The following PPP5C variants were observed in gnomAD, a reference collection of about 807,000 sequenced individuals.
PPP5C encodes the protein protein phosphatase 5 catalytic subunit, also known as serine/threonine-protein phosphatase 5.
In PPP5C, 21 loss-of-function variants were observed where a neutral mutation model predicts 66.7. That is an observed-to-expected ratio of 0.31 (90% CI 0.22 to 0.45). The LOEUF is 0.45. PPP5C is among the 20% of genes least tolerant of loss of function. PPP5C has a pLI of 1.00. For synonymous variants in PPP5C, 246 were observed against 257.4 expected, an observed-to-expected ratio of 0.96 and a Z score of 0.43; for missense variants, 464 against 675.9, an observed-to-expected ratio of 0.69 and a Z score of 3.48.
intron 4 of PPP5C, among the ~76,000 whole-genome samples, chr19:46,378,736 TA>T (rs567657300): frequency 3.9e-5 from 6 of 152,262 alleles, no homozygotes; most frequent in Non-Finnish European, 8.8e-5. Context: ...TCTATTAAAA[TA>T]GTTAAACCAG....
chr19:46,350,815 G>A (rs1433674591), intron 1 of PPP5C, among the ~76,000 whole-genome samples: 3 of 152,038 alleles, frequency 2.0e-5, no homozygotes, highest in Non-Finnish European at 2.9e-5. Context: ...CCCCTTCCTC[G>A]CCACGTGCTT....
chr19:46,386,997 G>C, intron 7 of PPP5C, 96 bp from the exon 8 acceptor site: 2 of 1,558,278 alleles, frequency 1.3e-6, no homozygotes, highest in Non-Finnish European at 1.8e-6. Flanking sequence ...TGGGGGCAAG[G>C]GACGCATGCA....
Position 46,388,641 on chromosome 19 carries a change from A to G in PPP5C, c.1265A>G (p.Tyr422Cys), listed in dbSNP as rs1972934608. The G allele has an allele frequency of 3.7e-6, 6 of 1,614,112 alleles. No homozygotes were observed. Among genetic ancestry groups the G allele is most frequent in the Non-Finnish European group, 5.1e-6 (6 of 1,180,002 alleles). ...KAFLEENNLDYIIRSHEVKAE... is the reference protein window; with the variant it reads ...KAFLEENNLDCIIRSHEVKAE... ...TTCTTGGAAGAGAACAACCTGGACT[A>G]TATCATCCGCAGCCACGAAGTCAAG... Residue 422 changes from tyrosine to cysteine, a missense_variant, in exon 11 of 13, where the codon TAT (tyrosine) becomes TGT (cysteine). By Grantham distance (194) the Tyr-to-Cys change is radical. Around this residue, in one of 2 missense-constraint regions of PPP5C, gnomAD observed 387 missense variants for 626.0 expected, o/e 0.62. Transcript: ENST00000012443. This position sits in a 1 kb window ranked among gnomAD's most constrained non-coding sequence, Gnocchi z 4.9.
chr19:46,383,411 A>C lies in PPP5C; in HGVS notation c.634A>C (p.Ile212Leu), dbSNP rs1463860862. The change falls in exon 5 of 13, where the codon ATT becomes CTT. Residue 212 changes from isoleucine (I) to leucine (L), a missense_variant and splice_region_variant. By Grantham distance (5) the Ile-to-Leu change is conservative. Coordinates refer to ENST00000012443, the MANE Select transcript of PPP5C (RefSeq NM_006247.4). This position sits in a 1 kb window ranked among gnomAD's most constrained non-coding sequence, Gnocchi z 5.0. ...CCACTGAGTCTGCCCTGCCTTCCAG[A>C]TTCTGGTACAGGTCAAAGAGGTCCT... ...KKLHRKCAYQILVQVKEVLSK... is the reference protein window; with the variant it reads ...KKLHRKCAYQLLVQVKEVLSK... 1 of 1,611,454 alleles carries C rather than the reference A, an allele frequency of 6.2e-7. No homozygotes were observed.
chr19:46,376,781 C>T lies in PPP5C; in HGVS notation c.633+207C>T. 3.2e-6 allele frequency: 2 copies of T among 621,508 alleles called. No homozygotes were observed. Among genetic ancestry groups the T allele is most frequent in the South Asian group, 2.0e-5 (1 of 49,370 alleles). 38.5% of individuals were successfully genotyped at this position (621,508 alleles called of 1,614,324 possible). A position where few individuals can be genotyped will look rare whatever the true frequency, so the allele number is the denominator to read the frequency against. On this transcript the variant is annotated intron_variant, in intron 4 of 12. Coordinates refer to ENST00000012443, the MANE Select transcript of PPP5C (RefSeq NM_006247.4). This position sits in a 1 kb window ranked among gnomAD's most constrained non-coding sequence, Gnocchi z 5.1. ...AGTTTGGGGAGGTGGCAGGCAGTGC[C>T]ATTTGACAGATGCAGGGACAAAGGG... is the stretch of plus-strand genomic sequence containing the variant.
intron 1 of PPP5C, among the ~76,000 whole-genome samples, chr19:46,347,967 T>C (rs541468326): frequency 1.4e-5 from 2 of 147,702 alleles, no homozygotes; most frequent in Non-Finnish European, 3.0e-5. Context: ...AAAAAAACCA[T>C]GTAAATAAGT....
chr19:46,376,686 C>T lies in PPP5C; in HGVS notation c.633+112C>T, dbSNP rs1319868717. 2 of 1,433,866 alleles carry T rather than the reference C, an allele frequency of 1.4e-6. No homozygotes were observed. The highest frequency in any genetic ancestry group is 1.9e-6 in the Non-Finnish European group (2 of 1,051,514). The allele number at this position is 1,433,866 out of a possible 1,614,324, so 88.8% of individuals were successfully genotyped here. A position where few individuals can be genotyped will look rare whatever the true frequency, so the allele number is the denominator to read the frequency against. On this transcript the variant is annotated intron_variant, in intron 4 of 12. Transcript: ENST00000012443. The surrounding 1 kb of genome is among the most constrained non-coding windows in gnomAD (Gnocchi z 5.1). ...GGAGAAGGGCGGCCATGACAGCCAACACCAAACAGGAGTCGTGTGCCGGAC... is the reference window on the plus strand; with the variant it reads ...GGAGAAGGGCGGCCATGACAGCCAATACCAAACAGGAGTCGTGTGCCGGAC...
At chr19:46,373,193 A>G (rs941825599) in intron 2 of PPP5C, among the ~76,000 whole-genome samples, 34 of 152,216 alleles carry the variant, frequency 2.2e-4, no homozygotes, top group African/African-American at 8.0e-4. Flanking sequence ...GAGGGCATGC[A>G]GTGTGCCCCA....
At chr19:46,374,028 C>T (rs1041321587) in intron 2 of PPP5C, among the ~76,000 whole-genome samples, 11 of 152,154 alleles carry the variant, frequency 7.2e-5, no homozygotes, top group South Asian at 2.1e-4. Context: ...GGATGCCAGC[C>T]GGGTGTGGGC....
chr19:46,372,102 G>A (rs1972603103), intron 2 of PPP5C, among the ~76,000 whole-genome samples: 1 of 152,296 alleles, frequency 6.6e-6, no homozygotes, highest in Middle Eastern at 3.4e-3. Context: ...TGCAGAAATG[G>A]CCGTGTATGT....
intron 6 of PPP5C, chr19:46,384,453 C>T (rs561623361): frequency 1.1e-4 from 34 of 297,996 alleles, no homozygotes; most frequent in African/African-American, 6.6e-4. Flanking sequence ...TGGGAGGGCC[C>T]GTGTCCCATC....
In PPP5C at chr19:46,355,958, C is replaced by T. The variant is rs572275789; in HGVS notation, c.363+1969C>T. On this transcript the variant is annotated intron_variant, in intron 2 of 12. Transcript: ENST00000012443. Reference sequence around the variant, plus strand: ...GAGCAGGGGCTGCAGGCAGGGTCTTCGTCAAGTGTGGGGCTGCAAGAGTGT... The same window carrying T: ...GAGCAGGGGCTGCAGGCAGGGTCTTTGTCAAGTGTGGGGCTGCAAGAGTGT... 7.9e-5 allele frequency among the ~76,000 whole-genome samples: 12 copies of T among 152,182 alleles called. No individual in the cohort carries two copies. The East Asian group carries it at 2.1e-3, about 27-fold the overall frequency.
At chr19:46,387,829 A>G (rs1972918157) in intron 9 of PPP5C, 1 of 949,702 alleles carries the variant, frequency 1.1e-6, no homozygotes. Context: ...AGTGCTGCAG[A>G]GGACATGGAT....
intron 2 of PPP5C, among the ~76,000 whole-genome samples, chr19:46,359,270 G>A (rs1972340326): frequency 6.6e-6 from 1 of 152,096 alleles, no homozygotes. Context: ...CTGCGTCTCT[G>A]TGTCCAATCA....
chr19:46,389,265 A>G (rs1013913900), intron 11 of PPP5C, among the ~76,000 whole-genome samples: 11 of 151,676 alleles, frequency 7.3e-5, no homozygotes, highest in South Asian at 2.1e-4. Flanking sequence ...TAGAGGTTGC[A>G]GTGAGCTGAG....
At chr19:46,390,208 A>AG in intron 12 of PPP5C, 76 bp downstream of exon 12, 1 of 1,607,296 alleles carries the variant, frequency 6.2e-7, no homozygotes, top group Admixed American at 1.7e-5. Flanking sequence ...GGTAAGGGGC[A>AG]GGGGTAGGTT....
chr19:46,360,165 C>T (rs988767162), intron 2 of PPP5C, among the ~76,000 whole-genome samples: 12 of 152,280 alleles, frequency 7.9e-5, no homozygotes, highest in African/African-American at 2.9e-4. Flanking sequence ...GTTAAAGACT[C>T]AATTGACCAG....
intron 2 of PPP5C, among the ~76,000 whole-genome samples, chr19:46,366,920 A>G (rs912841725): frequency 2.0e-5 from 3 of 152,170 alleles, no homozygotes; most frequent in African/African-American, 4.8e-5. Flanking sequence ...GGCTCACCAT[A>G]TAACTTTTCT....
At chr19:46,380,973 C>T (rs929350796) in intron 4 of PPP5C, among the ~76,000 whole-genome samples, 10 of 152,254 alleles carry the variant, frequency 6.6e-5, no homozygotes, top group African/African-American at 1.9e-4. Flanking sequence ...CTCTCCTCTC[C>T]GTCTGGAAAG....
Sources: allele counts gnomAD v4.1 joint callset (sites outside exome capture counted in the v4.1 genomes callset), GRCh38; gene constraint gnomAD v4.1.1; regional missense constraint gnomAD v4.1.1; non-coding constraint Gnocchi (gnomAD v3.1); transcripts MANE v1.5; gene names NCBI Gene and HGNC (gene_info 2026-07-23, HGNC 2026-07-21).